The following GRID2 variants were observed in gnomAD, a reference collection of about 807,000 sequenced individuals.
GRID2 encodes the protein glutamate ionotropic receptor delta type subunit 2, also known as glutamate receptor ionotropic, delta-2.
GRID2 carries 33 observed loss-of-function variants against 114.8 expected under a neutral mutation model. The ratio of observed to expected loss-of-function variants is 0.29; its 90% CI spans 0.22 to 0.38. The LOEUF (loss-of-function observed/expected upper bound fraction) is 0.38. GRID2 is among the 10% of genes least tolerant of loss of function. GRID2 has a pLI of 1.00. For synonymous variants in GRID2, 505 were observed against 449.9 expected (o/e 1.12, Z -1.55); for missense variants, 1,184 against 1,257.7 (o/e 0.94, Z 0.89).
intron 2 of GRID2, among the ~76,000 whole-genome samples, chr4:92,917,432 G>C (rs959827892): frequency 1.3e-5 from 2 of 152,128 alleles, no homozygotes; most frequent in African/African-American, 4.8e-5. Flanking sequence ...TGAAGTCCTT[G>C]CCCATGTCTG....
intron 14 of GRID2, among the ~76,000 whole-genome samples, chr4:93,735,212 C>T (rs942081516): frequency 6.6e-6 from 1 of 151,882 alleles, no homozygotes; most frequent in African/African-American, 2.4e-5. Context: ...CAAATGGAAT[C>T]AGTAAAAAGT....
chr4:92,678,498 T>C (rs1400445368), intron 2 of GRID2, among the ~76,000 whole-genome samples: 2 of 152,182 alleles, frequency 1.3e-5, no homozygotes, highest in Non-Finnish European at 2.9e-5. Context: ...TCTGAAGTAA[T>C]TCAATACGTT....
At chr4:92,526,497 C>A (rs555997431) in intron 1 of GRID2, among the ~76,000 whole-genome samples, 1 of 152,122 alleles carries the variant, frequency 6.6e-6, no homozygotes, top group East Asian at 2.0e-4. Flanking sequence ...GTGCCCACAA[C>A]ATGCCAGGCT....
chr4:92,411,905 CTG>C (rs1272370902), intron 1 of GRID2, among the ~76,000 whole-genome samples: 4 of 151,710 alleles, frequency 2.6e-5, no homozygotes, highest in Non-Finnish European at 4.4e-5. Context: ...CGGGGTTTCA[CTG>C]TGTTAGCCAG....
intron 2 of GRID2, among the ~76,000 whole-genome samples, chr4:93,001,750 C>T (rs1721010979): frequency 6.6e-6 from 1 of 151,646 alleles, no homozygotes; most frequent in African/African-American, 2.4e-5. Flanking sequence ...TCAGTAAATT[C>T]ATTCAACATT....
intron 10 of GRID2, among the ~76,000 whole-genome samples, chr4:93,454,669 G>A (rs752581995): frequency 6.6e-6 from 1 of 151,972 alleles, no homozygotes; most frequent in Admixed American, 6.6e-5. Flanking sequence ...CATTCTACTA[G>A]GGATGTTACT....
chr4:93,618,211 T>A (rs1325646658), intron 13 of GRID2, among the ~76,000 whole-genome samples: 1 of 152,180 alleles, frequency 6.6e-6, no homozygotes, highest in African/African-American at 2.4e-5. Flanking sequence ...GCCTCAAAGA[T>A]TTTTTTGGTC....
At chr4:92,361,714 A>AAGTCTCCAAATTCCTTTGTTGCC (rs1728628452) in intron 1 of GRID2, among the ~76,000 whole-genome samples, 1 of 151,988 alleles carries the variant, frequency 6.6e-6, no homozygotes, top group Non-Finnish European at 1.5e-5. Flanking sequence ...AAATTTTTTT[A>AAGTCTCCAAATTCCTTTGTTGCC]AGTCTCCAAA....
At chr4:92,384,968 C>T (rs1468810391) in intron 1 of GRID2, among the ~76,000 whole-genome samples, 1 of 150,900 alleles carries the variant, frequency 6.6e-6, no homozygotes, top group Admixed American at 6.7e-5. Context: ...ACACAATGGG[C>T]TTGTCACATT....
intron 4 of GRID2, among the ~76,000 whole-genome samples, chr4:93,124,798 A>G (rs1429586187): frequency 6.6e-6 from 1 of 152,166 alleles, no homozygotes; most frequent in Non-Finnish European, 1.5e-5. Context: ...AGAGCAAATT[A>G]AGGTCAATTT....
At chr4:93,143,725 A>C (rs1286123569) in intron 4 of GRID2, among the ~76,000 whole-genome samples, 1 of 152,220 alleles carries the variant, frequency 6.6e-6, no homozygotes, top group Admixed American at 6.5e-5. Context: ...ACAAGTATGA[A>C]GACTTTCTAG....
intron 1 of GRID2, among the ~76,000 whole-genome samples, chr4:92,439,354 G>T (rs887372430): frequency 6.6e-6 from 1 of 152,162 alleles, no homozygotes; most frequent in Non-Finnish European, 1.5e-5. Context: ...GGGCGTATAT[G>T]TGCAAGTCAC....
At chr4:93,727,653 T>G (rs1318124446) in intron 14 of GRID2, among the ~76,000 whole-genome samples, 1 of 152,210 alleles carries the variant, frequency 6.6e-6, no homozygotes. Context: ...GATTATTGCC[T>G]CGATTTCAGA....
chr4:92,635,522 G>T (rs373991131), intron 2 of GRID2, among the ~76,000 whole-genome samples: 3 of 151,834 alleles, frequency 2.0e-5, no homozygotes, highest in Admixed American at 2.0e-4. Context: ...GAAGTTTGGG[G>T]TTTTAATCTG....
chr4:93,795,174 A>G (rs1158335565), intron 1 of GRID2, among the ~76,000 whole-genome samples: 1 of 142,222 alleles, frequency 7.0e-6, no homozygotes, highest in African/African-American at 2.8e-5. Context: ...GTAGCACAAA[A>G]ATAATTTCTT....
chr4:92,843,732 G>C (rs911022215), intron 2 of GRID2, among the ~76,000 whole-genome samples: 1 of 152,050 alleles, frequency 6.6e-6, no homozygotes, highest in African/African-American at 2.4e-5. Context: ...GGAAAGGGAG[G>C]ATTTTTTACA....
chr4:92,792,456 AACACACACACACACACACACAC>A (rs35204445), intron 2 of GRID2, among the ~76,000 whole-genome samples: 7 of 136,116 alleles, frequency 5.1e-5, no homozygotes, highest in Non-Finnish European at 7.9e-5. Context: ...CAGGCAAGAG[AACACACACACACACACACACAC>A]ACACACACAC....
At chr4:93,328,509 G>A (rs1758084127) in intron 8 of GRID2, among the ~76,000 whole-genome samples, 1 of 152,094 alleles carries the variant, frequency 6.6e-6, no homozygotes, top group Non-Finnish European at 1.5e-5. Flanking sequence ...CTCTTGCACA[G>A]CTACCTAATA....
chr4:93,027,486 G>A (rs1251136472), intron 2 of GRID2, among the ~76,000 whole-genome samples: 1 of 152,014 alleles, frequency 6.6e-6, no homozygotes, highest in Non-Finnish European at 1.5e-5. Flanking sequence ...GCCTTGTATT[G>A]CTGGATTTTA....
Sources: allele counts gnomAD v4.1 joint callset (sites outside exome capture counted in the v4.1 genomes callset), GRCh38; gene constraint gnomAD v4.1.1; transcripts MANE v1.5; gene names NCBI Gene and HGNC (gene_info 2026-07-23, HGNC 2026-07-21).